The following GAB2 variants were observed in gnomAD, a reference collection of about 807,000 sequenced individuals.
GAB2 encodes the protein GRB2-associated-binding protein 2.
Under a neutral mutation model 65.5 loss-of-function variants are expected in GAB2, and 26 were observed. The ratio of observed to expected loss-of-function variants is 0.40; its 90% CI spans 0.29 to 0.55. GAB2 has a LOEUF of 0.55. GAB2 is among the 20% of genes least tolerant of loss of function. The pLI is 0.53. For missense variants in GAB2, 884 were observed against 875.8 expected (o/e 1.01, Z -0.12); for synonymous variants, 321 against 329.6 (o/e 0.97, Z 0.28).
intron 1 of GAB2, among the ~76,000 whole-genome samples, chr11:78,393,350 A>G (rs1423689254): frequency 6.6e-6 from 1 of 152,224 alleles, no homozygotes; most frequent in Non-Finnish European, 1.5e-5. Context: ...TTACACGAAT[A>G]AAGTGTATCA....
chr11:78,265,217 T>TATATATATATATATATATATATATAA, intron 2 of GAB2, among the ~76,000 whole-genome samples: 1 of 149,890 alleles, frequency 6.7e-6, no homozygotes, highest in Non-Finnish European at 1.5e-5. Flanking sequence ...TATATATATA[T>TATATATATATATATATATATATATAA]ATATATAAAA....
intron 2 of GAB2, among the ~76,000 whole-genome samples, chr11:78,262,688 A>T (rs1590976979): frequency 6.6e-6 from 1 of 152,260 alleles, no homozygotes; most frequent in East Asian, 1.9e-4. Flanking sequence ...CATCTCCCAG[A>T]CTTGTGTCTT....
intron 1 of GAB2, among the ~76,000 whole-genome samples, chr11:78,386,625 G>C (rs1856771404): frequency 6.6e-6 from 1 of 152,104 alleles, no homozygotes; most frequent in Non-Finnish European, 1.5e-5. Flanking sequence ...TGAATACTCT[G>C]CAAGAAGGCC....
intron 2 of GAB2, among the ~76,000 whole-genome samples, chr11:78,251,513 C>A (rs983319914): frequency 1.3e-5 from 2 of 152,234 alleles, no homozygotes; most frequent in African/African-American, 4.8e-5. Flanking sequence ...CTTAGCATAA[C>A]ATACAAGGCT....
chr11:78,371,310 T>G (rs572540666), intron 1 of GAB2, among the ~76,000 whole-genome samples: 2 of 152,210 alleles, frequency 1.3e-5, no homozygotes, highest in Non-Finnish European at 2.9e-5. Context: ...AGCCAGACAG[T>G]TCTGAGATTG....
At chr11:78,262,205 G>A (rs1344740173) in intron 2 of GAB2, among the ~76,000 whole-genome samples, 1 of 152,166 alleles carries the variant, frequency 6.6e-6, no homozygotes. Context: ...GGGGAACTTC[G>A]GCTTCAGGAG....
intron 2 of GAB2, among the ~76,000 whole-genome samples, chr11:78,265,435 G>A (rs1865850915): frequency 6.6e-6 from 1 of 152,032 alleles, no homozygotes; most frequent in African/African-American, 2.4e-5. Context: ...AGGACGCTTT[G>A]AGATCTCGTA....
chr11:78,360,991 A>G (rs1856427960), intron 1 of GAB2, among the ~76,000 whole-genome samples: 1 of 152,152 alleles, frequency 6.6e-6, no homozygotes, highest in Non-Finnish European at 1.5e-5. Flanking sequence ...GGTAAAACAC[A>G]CCTCATTAAT....
intron 1 of GAB2, among the ~76,000 whole-genome samples, chr11:78,339,340 CT>C (rs1275890176): frequency 6.6e-6 from 1 of 152,106 alleles, no homozygotes; most frequent in East Asian, 1.9e-4. Context: ...GTTCTCTTTT[CT>C]TTTTTTGCAC....
Position 78,357,534 on chromosome 11 carries a change from C to T in GAB2, c.75+60112G>A, listed in dbSNP as rs534103331. ...TACTCATCTGACAAAGGGCTAATAT[C>T]CAGAATCTACAAAGAACTCAAACAA... On this transcript the variant is annotated intron_variant, in intron 1 of 9. Coordinates refer to ENST00000361507, the MANE Select transcript of GAB2 (RefSeq NM_080491.3). Among the ~76,000 whole-genome samples, 33 of 152,264 alleles carry T rather than the reference C, an allele frequency of 2.2e-4. No homozygotes were observed. In the South Asian group the frequency reaches 5.4e-3, roughly 25 times the overall value.
chr11:78,271,150 G>A (rs1221869088), intron 2 of GAB2, among the ~76,000 whole-genome samples: 1 of 152,218 alleles, frequency 6.6e-6, no homozygotes, highest in African/African-American at 2.4e-5. Flanking sequence ...TCTCTACTGA[G>A]AGATGGCTCT....
chr11:78,315,227 T>G (rs1855578199), intron 1 of GAB2, among the ~76,000 whole-genome samples: 2 of 152,228 alleles, frequency 1.3e-5, no homozygotes, highest in African/African-American at 4.8e-5. Flanking sequence ...TATTTTGTTT[T>G]GCTTTTCCTC....
At position 78,361,416 on chromosome 11, in the gene GAB2, C is replaced by G. The variant is rs1012442735; in HGVS notation, c.75+56230G>C. On this transcript the variant is annotated intron_variant, in intron 1 of 9. Coordinates refer to ENST00000361507, the MANE Select transcript of GAB2 (RefSeq NM_080491.3). ...GCATGGCAACACGGACACACCCCCCCACACCCACACAAATGCCTATGGACA... is the reference window on the plus strand; with the variant it reads ...GCATGGCAACACGGACACACCCCCCGACACCCACACAAATGCCTATGGACA... Among the ~76,000 whole-genome samples the G allele has an allele frequency of 7.2e-5, 11 of 151,952 alleles. No individual in the cohort carries two copies. In the South Asian group the frequency reaches 1.5e-3, roughly 20 times the overall value.
chr11:78,261,296 C>A (rs1158391150), intron 2 of GAB2, among the ~76,000 whole-genome samples: 1 of 151,994 alleles, frequency 6.6e-6, no homozygotes, highest in Admixed American at 6.6e-5. Flanking sequence ...TCAACAAAAC[C>A]AAAACAAAAA....
chr11:78,238,132 T>C (rs772643377), intron 3 of GAB2, among the ~76,000 whole-genome samples: 6 of 149,392 alleles, frequency 4.0e-5, no homozygotes, highest in African/African-American at 7.4e-5. Context: ...CCATGGCACA[T>C]GTTTACCTAT....
At chr11:78,401,265 ACT>A (rs1434023642) in intron 1 of GAB2, among the ~76,000 whole-genome samples, 3 of 151,922 alleles carry the variant, frequency 2.0e-5, no homozygotes, top group Non-Finnish European at 4.4e-5. Context: ...CAAAACTGAA[ACT>A]CTGTACCCAT....
At chr11:78,294,657 A>T (rs1866776305) in intron 1 of GAB2, among the ~76,000 whole-genome samples, 1 of 152,230 alleles carries the variant, frequency 6.6e-6, no homozygotes, top group African/African-American at 2.4e-5. Context: ...CCTATTTAAT[A>T]AATGGTGCTG....
chr11:78,311,401 G>A (rs1262294531), intron 1 of GAB2, among the ~76,000 whole-genome samples: 7 of 150,038 alleles, frequency 4.7e-5, no homozygotes, highest in Non-Finnish European at 8.9e-5. Flanking sequence ...TATAAAGGTT[G>A]TTTTTTTTTC....
At chr11:78,280,335 C>T (rs1319479266) in intron 2 of GAB2, 7 of 478,076 alleles carry the variant, frequency 1.5e-5, no homozygotes, top group East Asian at 7.4e-5. Flanking sequence ...GGATGAGGAA[C>T]GGCAGTGGTG....
Sources: gnomAD v4.1 joint callset for allele counts (sites outside exome capture counted in the v4.1 genomes callset) on GRCh38, gnomAD v4.1.1 for gene constraint, MANE v1.5 for transcripts, NCBI Gene and HGNC (gene_info 2026-07-23, HGNC 2026-07-21) for gene names.